The following CAST variants were observed in gnomAD, a reference collection of about 807,000 sequenced individuals.
CAST encodes the protein MIR583 host.
CAST carries 76 observed loss-of-function variants against 119.6 expected under a neutral mutation model. The ratio of observed to expected loss-of-function variants is 0.64; its 90% CI spans 0.53 to 0.77. The LOEUF is 0.77. Ranked by LOEUF, CAST falls within the 30% of genes least tolerant of loss-of-function variation. The pLI, the probability that CAST is intolerant of heterozygous loss-of-function variation, is 0.00. For synonymous variants in CAST, 319 were observed against 331.6 expected (o/e 0.96, Z 0.41); for missense variants, 953 against 946.5 (o/e 1.01, Z -0.09).
At chr5:96,597,135 C>T (rs1291771736) in intron 1 of CAST, among the ~76,000 whole-genome samples, 1 of 152,182 alleles carries the variant, frequency 6.6e-6, no homozygotes, top group Non-Finnish European at 1.5e-5. Context: ...TCATCCTGTA[C>T]TTTTAGGATC....
At chr5:96,522,579 G>T (rs1270296626), upstream of CAST, among the ~76,000 whole-genome samples, 1 of 152,128 alleles carries the variant, frequency 6.6e-6, no homozygotes, top group Non-Finnish European at 1.5e-5. Flanking sequence ...TGCTTTTCCT[G>T]GGCCTCCTGA....
chr5:96,490,984 C>T, the CAST span, among the ~76,000 whole-genome samples: 1 of 151,934 alleles, frequency 6.6e-6, no homozygotes, highest in Non-Finnish European at 1.5e-5. Context: ...AAATGTCTGA[C>T]AAATGGCTCA....
chr5:96,258,922 T>C, the CAST span, among the ~76,000 whole-genome samples: 3,264 of 152,256 alleles, frequency 0.021, 108 homozygotes, highest in African/African-American at 0.075. Flanking sequence ...GGAGGTGTCA[T>C]AATACAATAT....
chr5:96,431,350 G>A, the CAST span, among the ~76,000 whole-genome samples: 1 of 152,124 alleles, frequency 6.6e-6, no homozygotes, highest in African/African-American at 2.4e-5. Flanking sequence ...CGGAGCAAAT[G>A]TTTTCTCCTT....
At chr5:96,154,291 AAAAAAAAAAC>A in the CAST span, among the ~76,000 whole-genome samples, 6 of 145,130 alleles carry the variant, frequency 4.1e-5, no homozygotes, top group East Asian at 2.0e-4. Context: ...AAACAACAAC[AAAAAAAAAAC>A]AAAAAAAAAC....
chr5:96,051,819 AT>A, the CAST span, among the ~76,000 whole-genome samples: 6 of 152,362 alleles, frequency 3.9e-5, no homozygotes, highest in East Asian at 1.2e-3. Context: ...GGTTAAATAT[AT>A]TATAGTTAAT....
At chr5:96,425,728 T>TAA in the CAST span, 36 of 654,902 alleles carry the variant, frequency 5.5e-5, no homozygotes, top group Admixed American at 9.4e-5. Context: ...TTCTCCATCA[T>TAA]AAAAAAAAAA....
At chr5:96,430,433 C>G in the CAST span, among the ~76,000 whole-genome samples, 1 of 152,176 alleles carries the variant, frequency 6.6e-6, no homozygotes, top group African/African-American at 2.4e-5. Flanking sequence ...TGCTCCAAGC[C>G]TGAATCTCAG....
the CAST span, among the ~76,000 whole-genome samples, chr5:96,252,819 T>C: frequency 4.6e-5 from 7 of 152,158 alleles, no homozygotes; most frequent in African/African-American, 1.7e-4. Flanking sequence ...ATCTGAACTA[T>C]TGATAAAATG....
chr5:96,438,185 A>G, the CAST span, among the ~76,000 whole-genome samples: 5 of 152,174 alleles, frequency 3.3e-5, no homozygotes, highest in Non-Finnish European at 7.3e-5. Context: ...TAGTTGGCCA[A>G]CTAAAAAAAG....
the CAST span, among the ~76,000 whole-genome samples, chr5:96,371,561 T>C: frequency 6.6e-6 from 1 of 152,242 alleles, no homozygotes; most frequent in Non-Finnish European, 1.5e-5. Flanking sequence ...AATTAAACTT[T>C]CCTTTCATTA....
the CAST span, among the ~76,000 whole-genome samples, chr5:96,098,271 G>A: frequency 6.6e-6 from 1 of 152,098 alleles, no homozygotes; most frequent in South Asian, 2.1e-4. Flanking sequence ...CCATTCTGTA[G>A]GTTGTCTTTT....
chr5:96,480,401 A>G, the CAST span, among the ~76,000 whole-genome samples: 12 of 152,204 alleles, frequency 7.9e-5, no homozygotes, highest in African/African-American at 2.9e-4. Flanking sequence ...CTTGGGAAAG[A>G]CAGGATGTAC....
intron 1 of CAST, among the ~76,000 whole-genome samples, chr5:96,649,252 C>G (rs564676601): frequency 3.9e-5 from 6 of 152,080 alleles, no homozygotes; most frequent in Non-Finnish European, 7.4e-5. Flanking sequence ...CATTGCAGCC[C>G]TTGGTTTCTG....
At chr5:96,246,020 A>G in the CAST span, among the ~76,000 whole-genome samples, 1 of 152,004 alleles carries the variant, frequency 6.6e-6, no homozygotes, top group African/African-American at 2.4e-5. Context: ...AGGTAGAGGT[A>G]GTTGAACTGA....
At chr5:96,411,096 T>C in the CAST span, 1 of 836,404 alleles carries the variant, frequency 1.2e-6, no homozygotes, top group Non-Finnish European at 2.1e-6. Context: ...GAGACAGCTA[T>C]TTGGGATCTA....
chr5:96,615,377 T>C (rs913251869), intron 1 of CAST, among the ~76,000 whole-genome samples: 1 of 152,234 alleles, frequency 6.6e-6, no homozygotes, highest in Non-Finnish European at 1.5e-5. Flanking sequence ...TCCTCTCCCC[T>C]TACTCTGCCA....
chr5:96,360,345 C>G, the CAST span, among the ~76,000 whole-genome samples: 1 of 152,086 alleles, frequency 6.6e-6, no homozygotes, highest in Non-Finnish European at 1.5e-5. Flanking sequence ...GTCAGTTTGT[C>G]AAACTCATTC....
chr5:96,120,866 C>A, the CAST span, among the ~76,000 whole-genome samples: 1 of 151,682 alleles, frequency 6.6e-6, no homozygotes, highest in African/African-American at 2.4e-5. Flanking sequence ...TTTTCACTGG[C>A]TTTTCCCTGT....
Sources: allele counts gnomAD v4.1 joint callset (sites outside exome capture counted in the v4.1 genomes callset), GRCh38; gene constraint gnomAD v4.1.1; transcripts MANE v1.5; gene names NCBI Gene and HGNC (gene_info 2026-07-23, HGNC 2026-07-21).